Variants in CIB4 observed in about 807,000 individuals in gnomAD.
CIB4 encodes calcium and integrin-binding family member 4.
CIB4 carries 25 observed loss-of-function variants against 25.8 expected under a neutral mutation model. The ratio of observed to expected loss-of-function variants is 0.97; its 90% CI spans 0.71 to 1.35. CIB4 has a LOEUF of 1.35. CIB4 is among the 40% of genes most tolerant of loss of function. The pLI is 0.00. For missense variants in CIB4, 235 were observed against 228.2 expected, an observed-to-expected ratio of 1.03 and a Z score of -0.19; for synonymous variants, 75 against 81.4, an observed-to-expected ratio of 0.92 and a Z score of 0.42.
At chr2:26,629,611 G>A in intron 2 of CIB4, 105 bp from the exon 3 acceptor site, 1 of 746,288 alleles carries the variant, frequency 1.3e-6, no homozygotes, top group Non-Finnish European at 2.3e-6. Flanking sequence ...AAGGGGTGGG[G>A]GTGTCTCTTT....
chr2:26,583,730 G>A, intron 5 of CIB4, 59 bp downstream of exon 5: 9 of 1,162,562 alleles, frequency 7.7e-6, no homozygotes, highest in Middle Eastern at 2.8e-4. Flanking sequence ...GGGGCTTTGG[G>A]TGACAACCTG....
intron 4 of CIB4, among the ~76,000 whole-genome samples, chr2:26,589,116 CTTCTTCTTCT>C (rs1668533060): frequency 2.4e-5 from 3 of 125,110 alleles, no homozygotes; most frequent in African/African-American, 1.2e-4. Context: ...TCCTCTTCTT[CTTCTTCTTCT>C]TCTTCTTCTT....
At chr2:26,640,435 G>T in intron 2 of CIB4, 98 bp downstream of exon 2, 1 of 1,319,852 alleles carries the variant, frequency 7.6e-7, no homozygotes, top group South Asian at 1.3e-5. Flanking sequence ...TCTGAGCAGG[G>T]ACCACACTCA....
At chr2:26,624,249 C>T (rs1373716913) in intron 3 of CIB4, among the ~76,000 whole-genome samples, 1 of 152,218 alleles carries the variant, frequency 6.6e-6, no homozygotes, top group Admixed American at 6.5e-5. Context: ...GTTCTCAAAG[C>T]CTATTCCAGA....
chr2:26,596,836 C>G (rs1172514335), intron 3 of CIB4, among the ~76,000 whole-genome samples: 1 of 151,978 alleles, frequency 6.6e-6, no homozygotes, highest in African/African-American at 2.4e-5. Context: ...TGGAGGTTTA[C>G]TGCTTAGCTC....
At chr2:26,606,778 C>G (rs1399413163) in intron 3 of CIB4, among the ~76,000 whole-genome samples, 1 of 152,030 alleles carries the variant, frequency 6.6e-6, no homozygotes, top group African/African-American at 2.4e-5. Context: ...AAGGGATAGC[C>G]CCTGTGTTTG....
intron 4 of CIB4, among the ~76,000 whole-genome samples, chr2:26,584,859 G>A (rs755784050): frequency 6.6e-6 from 1 of 152,134 alleles, no homozygotes; most frequent in Non-Finnish European, 1.5e-5. Flanking sequence ...AGACTTCTGG[G>A]GGCCGCACTG....
intron 6 of CIB4, among the ~76,000 whole-genome samples, chr2:26,581,773 C>G (rs1668349837): frequency 6.6e-6 from 1 of 152,224 alleles, no homozygotes; most frequent in African/African-American, 2.4e-5. Context: ...AGGGGCCACC[C>G]AGGCCACAGG....
chr2:26,623,741 G>C lies in CIB4; in HGVS notation c.186+5669C>G, dbSNP rs149038387. 2,616 of 321,230 alleles carry C rather than the reference G, an allele frequency of 8.1e-3. 67 individuals are homozygous for C. Among genetic ancestry groups the C allele is most frequent in the African/African-American group, 0.053 (2,451 of 46,390 alleles). 19.9% of individuals were successfully genotyped at this position (321,230 alleles called of 1,614,324 possible). ...AGCAGGAGGAGGGAAGAGGCCAGGG[G>C]GGTGAGGTGGCCCCGCCAGTGTGCA... On this transcript the variant is annotated intron_variant, in intron 3 of 6. Coordinates refer to ENST00000288861, the MANE Select transcript of CIB4 (RefSeq NM_001029881.3).
chr2:26,586,944 G>T (rs909523040), intron 4 of CIB4, among the ~76,000 whole-genome samples: 2 of 152,108 alleles, frequency 1.3e-5, no homozygotes, highest in African/African-American at 4.8e-5. Flanking sequence ...GGGAATGAAG[G>T]ATAAAGCGAC....
At chr2:26,589,371 G>A (rs1668544171) in intron 4 of CIB4, among the ~76,000 whole-genome samples, 2 of 151,024 alleles carry the variant, frequency 1.3e-5, no homozygotes, top group South Asian at 4.2e-4. Flanking sequence ...CCCCAGGCTG[G>A]AGTGCAGTAG....
chr2:26,617,556 G>A (rs934510506), intron 3 of CIB4, among the ~76,000 whole-genome samples: 3 of 152,210 alleles, frequency 2.0e-5, no homozygotes, highest in African/African-American at 4.8e-5. Context: ...ATGAAGCGGT[G>A]ACTAGGGCAG....
At chr2:26,640,432 A>G in intron 2 of CIB4, 101 bp downstream of exon 2, 1 of 1,281,606 alleles carries the variant, frequency 7.8e-7, no homozygotes, top group Non-Finnish European at 1.1e-6. Flanking sequence ...GGCTCTGAGC[A>G]GGGACCACAC....
At chr2:26,624,542 C>T (rs1669263131) in intron 3 of CIB4, among the ~76,000 whole-genome samples, 2 of 152,050 alleles carry the variant, frequency 1.3e-5, no homozygotes, top group Admixed American at 1.3e-4. Flanking sequence ...TCTGAAAACA[C>T]TCGAGGCTTC....
chr2:26,620,218 C>T (rs1669179006), intron 3 of CIB4, among the ~76,000 whole-genome samples: 1 of 151,994 alleles, frequency 6.6e-6, no homozygotes, highest in Non-Finnish European at 1.5e-5. Context: ...GGACCCGAAT[C>T]CCACAGCGGG....
At chr2:26,640,469 G>A in intron 2 of CIB4, 64 bp downstream of exon 2, 9 of 1,541,692 alleles carry the variant, frequency 5.8e-6, no homozygotes, top group Middle Eastern at 1.7e-4. Flanking sequence ...GGCTGTATTA[G>A]GGCAAGAATC....
chr2:26,597,384 C>T (rs1378753833), intron 3 of CIB4, among the ~76,000 whole-genome samples: 1 of 151,458 alleles, frequency 6.6e-6, no homozygotes, highest in African/African-American at 2.4e-5. Flanking sequence ...GACATATAGC[C>T]CATGACACAT....
chr2:26,608,189 G>C (rs1668928391), intron 3 of CIB4, among the ~76,000 whole-genome samples: 1 of 149,664 alleles, frequency 6.7e-6, no homozygotes, highest in Admixed American at 6.7e-5. Context: ...GCAGTGAGCT[G>C]AGATTGCACC....
intron 3 of CIB4, among the ~76,000 whole-genome samples, chr2:26,621,240 A>G (rs1389182624): frequency 7.0e-6 from 1 of 142,408 alleles, no homozygotes; most frequent in African/African-American, 2.7e-5. Flanking sequence ...AGAAGAGTCT[A>G]CAAGTTTCCA....
Sources: allele counts gnomAD v4.1 joint callset (sites outside exome capture counted in the v4.1 genomes callset), GRCh38; gene constraint gnomAD v4.1.1; transcripts MANE v1.5; gene names NCBI Gene and HGNC (gene_info 2026-07-23, HGNC 2026-07-21).